GPC6: variants seen among roughly 807,000 people sequenced by gnomAD.
GPC6 encodes glypican 6.
A neutral mutation model predicts 55.2 loss-of-function variants in GPC6; 14 were observed. That is an observed-to-expected ratio of 0.25 (90% CI 0.17 to 0.40). The LOEUF (loss-of-function observed/expected upper bound fraction) is 0.40, where lower values mean the gene tolerates loss of function less well. Ranked by LOEUF, GPC6 falls within the 10% of genes least tolerant of loss-of-function variation. The pLI, the probability that GPC6 is intolerant of heterozygous loss-of-function variation, is 1.00. For missense variants in GPC6, 641 were observed against 708.5 expected (o/e 0.90, Z 1.08); for synonymous variants, 278 against 259.6 (o/e 1.07, Z -0.68).
intron 3 of GPC6, among the ~76,000 whole-genome samples, chr13:94,018,207 A>G (rs1882552461): frequency 6.6e-6 from 1 of 151,878 alleles, no homozygotes; most frequent in South Asian, 2.1e-4. Flanking sequence ...CTCTTACTAG[A>G]CACGTATTAT....
At chr13:93,794,652 C>A (rs924044109) in intron 2 of GPC6, among the ~76,000 whole-genome samples, 4 of 152,232 alleles carry the variant, frequency 2.6e-5, no homozygotes, top group Non-Finnish European at 4.4e-5. Context: ...GCATTTCCAA[C>A]TGGGATTATG....
intron 1 of GPC6, among the ~76,000 whole-genome samples, chr13:93,264,067 T>C (rs1877243317): frequency 6.6e-6 from 1 of 152,128 alleles, no homozygotes; most frequent in Non-Finnish European, 1.5e-5. Flanking sequence ...CTCATTGCTC[T>C]TCTGCTACTG....
intron 2 of GPC6, among the ~76,000 whole-genome samples, chr13:93,587,129 G>T (rs2139500444): frequency 6.6e-6 from 1 of 151,966 alleles, no homozygotes; most frequent in Non-Finnish European, 1.5e-5. Flanking sequence ...TGCAATTTTG[G>T]GCAAGTCACT....
At chr13:93,854,167 A>C (rs8002684) in intron 3 of GPC6, among the ~76,000 whole-genome samples, 101,158 of 151,388 alleles carry the variant, frequency 0.67, 34,442 homozygotes, top group East Asian at 0.81. Context: ...CACTGAATCC[A>C]ACAGAGACCT....
intron 4 of GPC6, among the ~76,000 whole-genome samples, chr13:94,192,811 A>G (rs1205091079): frequency 1.3e-5 from 2 of 152,176 alleles, no homozygotes; most frequent in Non-Finnish European, 2.9e-5. Flanking sequence ...TTTTTATATC[A>G]GGCAATGAAG....
chr13:94,215,706 G>GA (rs1890206788), intron 4 of GPC6, among the ~76,000 whole-genome samples: 2 of 151,928 alleles, frequency 1.3e-5, no homozygotes, highest in Admixed American at 6.6e-5. Context: ...ACATTGAAGG[G>GA]AAAAAAATCT....
At chr13:93,468,217 TG>T (rs1389848822) in intron 1 of GPC6, among the ~76,000 whole-genome samples, 1 of 152,154 alleles carries the variant, frequency 6.6e-6, no homozygotes, top group Non-Finnish European at 1.5e-5. Flanking sequence ...CTTCAATTAC[TG>T]GTCTTGATCT....
At chr13:94,385,597 A>G (rs1265667999) in intron 7 of GPC6, among the ~76,000 whole-genome samples, 2 of 152,200 alleles carry the variant, frequency 1.3e-5, no homozygotes, top group African/African-American at 4.8e-5. Flanking sequence ...TTATGTACCC[A>G]TTGAACAATT....
intron 4 of GPC6, among the ~76,000 whole-genome samples, chr13:94,266,507 T>C (rs542812983): frequency 2.6e-4 from 40 of 152,252 alleles, no homozygotes; most frequent in Admixed American, 4.6e-4. Flanking sequence ...CCTTGTCTAA[T>C]AGTCCAACTT....
At chr13:93,275,252 G>T (rs1342482779) in intron 1 of GPC6, among the ~76,000 whole-genome samples, 2 of 152,160 alleles carry the variant, frequency 1.3e-5, no homozygotes, top group Admixed American at 6.5e-5. Context: ...GTTCATTTAA[G>T]ATCTTAATTG....
intron 1 of GPC6, among the ~76,000 whole-genome samples, chr13:93,444,195 C>CTTCTTTTTTTTTTTTTTTTTTTTTT (rs755978023): frequency 9.0e-6 from 1 of 110,708 alleles, no homozygotes; most frequent in African/African-American, 3.3e-5. Flanking sequence ...TGCAATTCTT[C>CTTCTTTTTTTTTTTTTTTTTTTTTT]TTTTTTTTTT....
At chr13:94,296,969 T>C (rs1875368336) in intron 5 of GPC6, among the ~76,000 whole-genome samples, 1 of 152,142 alleles carries the variant, frequency 6.6e-6, no homozygotes. Flanking sequence ...ATCAATGCGT[T>C]TGTTAATAAA....
chr13:93,329,521 A>C (rs1329186762), intron 1 of GPC6, among the ~76,000 whole-genome samples: 1 of 152,218 alleles, frequency 6.6e-6, no homozygotes, highest in East Asian at 1.9e-4. Context: ...AGGTTTTGAT[A>C]GCTAATAGGG....
chr13:94,140,640 C>T (rs149458941), intron 4 of GPC6, among the ~76,000 whole-genome samples: 3 of 152,192 alleles, frequency 2.0e-5, no homozygotes, highest in East Asian at 1.9e-4. Flanking sequence ...AATTTAGACC[C>T]GAAGGCACTG....
At chr13:94,129,533 A>G (rs1383262078) in intron 4 of GPC6, among the ~76,000 whole-genome samples, 1 of 151,018 alleles carries the variant, frequency 6.6e-6, no homozygotes, top group East Asian at 2.0e-4. Context: ...TCTGCCTCCC[A>G]CTCTTCTGTG....
intron 2 of GPC6, among the ~76,000 whole-genome samples, chr13:93,820,671 G>GTT (rs371044734): frequency 6.9e-6 from 1 of 144,712 alleles, no homozygotes; most frequent in Non-Finnish European, 1.5e-5. Flanking sequence ...TCAAAGTAGG[G>GTT]TTTTTTTTTT....
intron 3 of GPC6, among the ~76,000 whole-genome samples, chr13:93,855,368 T>C (rs563097384): frequency 6.6e-6 from 1 of 151,700 alleles, no homozygotes; most frequent in Non-Finnish European, 1.5e-5. Flanking sequence ...GCTCATTTCC[T>C]TTTAAGATTC....
intron 1 of GPC6, among the ~76,000 whole-genome samples, chr13:93,482,312 G>T (rs987661743): frequency 6.6e-6 from 1 of 151,928 alleles, no homozygotes. Context: ...ATACATCTCT[G>T]AATATTGTAT....
chr13:94,202,615 T>C (rs539274483), intron 4 of GPC6, among the ~76,000 whole-genome samples: 8 of 152,280 alleles, frequency 5.3e-5, no homozygotes, highest in Admixed American at 5.2e-4. Flanking sequence ...GGAGCTACAA[T>C]TCAAGATGAG....
Sources: gnomAD v4.1 joint callset for allele counts (sites outside exome capture counted in the v4.1 genomes callset) on GRCh38, gnomAD v4.1.1 for gene constraint, MANE v1.5 for transcripts, NCBI Gene and HGNC (gene_info 2026-07-23, HGNC 2026-07-21) for gene names.